The following DLEU7 variants were observed in gnomAD, a reference collection of about 807,000 sequenced individuals.
DLEU7 encodes deleted in lymphocytic leukemia 7, also known as leukemia-associated protein 7.
A neutral mutation model predicts 16.0 loss-of-function variants in DLEU7; 17 were observed. The observed-to-expected ratio is 1.06, with a 90% CI of 0.73 to 1.59. The LOEUF is 1.59. DLEU7 is among the 40% of genes most tolerant of loss of function. The pLI is 0.00. For synonymous variants in DLEU7, 113 were observed against 139.8 expected (o/e 0.81, Z 1.35); for missense variants, 308 against 314.9 (o/e 0.98, Z 0.17).
intron 1 of DLEU7, among the ~76,000 whole-genome samples, chr13:50,803,411 A>G (rs1876300975): frequency 1.3e-5 from 2 of 152,158 alleles, no homozygotes; most frequent in African/African-American, 2.4e-5. Flanking sequence ...CCTTATTGAT[A>G]TAATTCTCTC....
chr13:50,809,863 T>C (rs1161818041), intron 1 of DLEU7, among the ~76,000 whole-genome samples: 2 of 152,086 alleles, frequency 1.3e-5, no homozygotes, highest in Non-Finnish European at 2.9e-5. Context: ...GCATAAACAA[T>C]GTTCATTCAC....
chr13:50,828,473 A>G (rs556259508), intron 1 of DLEU7, among the ~76,000 whole-genome samples: 1 of 152,320 alleles, frequency 6.6e-6, no homozygotes, highest in African/African-American at 2.4e-5. Context: ...CTATATCACA[A>G]ATTTGTGGGA....
chr13:50,822,060 A>G (rs988483394), downstream of DLEU7, among the ~76,000 whole-genome samples: 16 of 150,554 alleles, frequency 1.1e-4, no homozygotes, highest in South Asian at 4.2e-4. Context: ...ACATGAGCGC[A>G]CACACACACA....
intron 1 of DLEU7, among the ~76,000 whole-genome samples, chr13:50,783,578 G>A (rs577197123): frequency 5.8e-4 from 88 of 152,236 alleles, no homozygotes; most frequent in Admixed American, 1.7e-3. Context: ...GGACCCAGCC[G>A]ATACAACCTC....
Position 50,843,290 on chromosome 13 carries a change from G to GCTGCGCAT in DLEU7, c.349_356dup (p.Ser119ArgfsTer37). On this transcript the variant is annotated frameshift_variant, in exon 1 of 2. Coordinates refer to ENST00000504404, the MANE Select transcript of DLEU7 (RefSeq NM_001306135.2). LOFTEE classifies it high-confidence loss of function. This position sits in a 1 kb window ranked among gnomAD's most constrained non-coding sequence, Gnocchi z 5.7. ...TCGAGTCCACCACGCGGGCCAGCGC[G>GCTGCGCAT]CTGCGCATCGCCATCTGGGCCAGGG... 6.4e-7 allele frequency: 1 copy of GCTGCGCAT among 1,558,586 alleles called. No homozygotes were observed. The highest frequency in any genetic ancestry group is 8.7e-7 in the Non-Finnish European group (1 of 1,152,228).
At chr13:50,777,412 C>A (rs543032694) in intron 1 of DLEU7, among the ~76,000 whole-genome samples, 2 of 152,296 alleles carry the variant, frequency 1.3e-5, no homozygotes, top group East Asian at 1.9e-4. Context: ...AGCCTCCCAA[C>A]CTACATCTTT....
chr13:50,768,701 T>G (rs921018556), intron 1 of DLEU7, among the ~76,000 whole-genome samples: 2 of 152,202 alleles, frequency 1.3e-5, no homozygotes, highest in African/African-American at 4.8e-5. Context: ...ACATTTGGGT[T>G]GGTTCCAAGT....
At chr13:50,756,377 G>A (rs1449484658) in intron 1 of DLEU7, among the ~76,000 whole-genome samples, 3 of 152,144 alleles carry the variant, frequency 2.0e-5, no homozygotes, top group Non-Finnish European at 2.9e-5. Context: ...ACTCTCCTTC[G>A]ATGGGTCTTG....
rs1052835758 is a variant in DLEU7 at position 50,814,768 on chromosome 13, G to A, written c.459+28420C>T. ...TTTACATGTATTCATGTGAGTGTGT[G>A]TGTGTGTGTGTGTGTGTGTAGTTCT... On this transcript the variant is annotated intron_variant, in intron 1 of 1. Transcript: ENST00000400393. 6.3e-4 allele frequency among the ~76,000 whole-genome samples: 95 copies of A among 149,812 alleles called. 1 individual carries two copies. Among genetic ancestry groups the A allele is most frequent in the African/African-American group, 2.1e-3 (84 of 40,862 alleles).
At chr13:50,828,032 G>A (rs1016544928) in intron 1 of DLEU7, among the ~76,000 whole-genome samples, 1 of 151,996 alleles carries the variant, frequency 6.6e-6, no homozygotes, top group Non-Finnish European at 1.5e-5. Context: ...CTAATAAAAT[G>A]AATGATTCCC....
intron 1 of DLEU7, among the ~76,000 whole-genome samples, chr13:50,800,308 A>G (rs968215768): frequency 1.7e-4 from 26 of 152,190 alleles, no homozygotes; most frequent in Non-Finnish European, 4.4e-5. Flanking sequence ...CTGAGTGTAA[A>G]AAATAGATTT....
chr13:50,788,694 A>G (rs1019033892), intron 1 of DLEU7, among the ~76,000 whole-genome samples: 1 of 152,230 alleles, frequency 6.6e-6, no homozygotes, highest in African/African-American at 2.4e-5. Flanking sequence ...AATAGCATCA[A>G]GGGCCCTCGC....
chr13:50,805,811 A>C (rs1183919069), intron 1 of DLEU7, among the ~76,000 whole-genome samples: 1 of 152,224 alleles, frequency 6.6e-6, no homozygotes, highest in African/African-American at 2.4e-5. Context: ...TCAGCAAACT[A>C]TAGCCCATTG....
intron 1 of DLEU7, among the ~76,000 whole-genome samples, chr13:50,727,203 G>T (rs959117816): frequency 6.8e-6 from 1 of 147,212 alleles, no homozygotes; most frequent in East Asian, 2.0e-4. Flanking sequence ...AGTTCTGTAC[G>T]CTCTTGCATA....
chr13:50,764,554 G>A (rs777161754), intron 1 of DLEU7, among the ~76,000 whole-genome samples: 8 of 152,206 alleles, frequency 5.3e-5, no homozygotes, highest in Non-Finnish European at 7.3e-5. Flanking sequence ...GAGGCTTTAA[G>A]TGTTTCTTAA....
intron 1 of DLEU7, among the ~76,000 whole-genome samples, chr13:50,744,080 C>T (rs1211351728): frequency 6.6e-6 from 1 of 152,120 alleles, no homozygotes; most frequent in Non-Finnish European, 1.5e-5. Context: ...GCTTCTGTTC[C>T]CATTTGCTTT....
At chr13:50,810,761 G>A (rs1053786129) in intron 1 of DLEU7, among the ~76,000 whole-genome samples, 1 of 152,158 alleles carries the variant, frequency 6.6e-6, no homozygotes, top group Non-Finnish European at 1.5e-5. Context: ...GGGGCCTTGG[G>A]AGGAATTCAA....
At chr13:50,768,380 C>T (rs1028011695) in intron 1 of DLEU7, among the ~76,000 whole-genome samples, 2 of 147,008 alleles carry the variant, frequency 1.4e-5, no homozygotes, top group Admixed American at 6.8e-5. Flanking sequence ...TGGTGTGCTG[C>T]ACCCATTAAC....
chr13:50,788,122 T>A (rs1875847177), intron 1 of DLEU7, among the ~76,000 whole-genome samples: 1 of 152,188 alleles, frequency 6.6e-6, no homozygotes, highest in African/African-American at 2.4e-5. Flanking sequence ...GGGGCTGAGT[T>A]CCACCGGACC....
Sources: gnomAD v4.1 joint callset for allele counts (sites outside exome capture counted in the v4.1 genomes callset) on GRCh38, gnomAD v4.1.1 for gene constraint, Gnocchi (gnomAD v3.1) non-coding constraint, MANE v1.5 for transcripts, NCBI Gene and HGNC (gene_info 2026-07-23, HGNC 2026-07-21) for gene names.